The following TSEN15 variants were observed in gnomAD, a reference collection of about 807,000 sequenced individuals.
TSEN15 encodes the protein tRNA-splicing endonuclease subunit Sen15.
In TSEN15, 10 loss-of-function variants were observed where a neutral mutation model predicts 20.5. That is an observed-to-expected ratio of 0.49 (90% CI 0.30 to 0.83). TSEN15 has a LOEUF of 0.83. Among genes scored for constraint, TSEN15 ranks in the 40% least tolerant of loss-of-function variants. TSEN15 has a pLI of 0.06. For synonymous variants in TSEN15, 72 were observed against 80.1 expected (o/e 0.90, Z 0.54); for missense variants, 180 against 218.6 (o/e 0.82, Z 1.11).
Position 184,074,036 on chromosome 1 carries a change from G to A in TSEN15, c.*1189G>A, listed in dbSNP as rs1300700573. On this transcript the variant is annotated 3_prime_UTR_variant, in exon 5 of 5. Coordinates refer to ENST00000645668, the MANE Select transcript of TSEN15 (RefSeq NM_052965.4). ...TAAGTAAAAATTGCAAGACGGAAAA[G>A]TGTATAAGTGGGTGTAATCATGGCT... 3.9e-5 allele frequency: 6 copies of A among 152,092 alleles called. No homozygotes were observed. The highest frequency in any genetic ancestry group is 1.4e-4 in the African/African-American group (6 of 41,418). 9.4% of individuals were successfully genotyped at this position (152,092 alleles called of 1,614,324 possible).
At chr1:184,060,922 G>A (rs1323935154) in intron 3 of TSEN15, among the ~76,000 whole-genome samples, 1 of 152,172 alleles carries the variant, frequency 6.6e-6, no homozygotes. Flanking sequence ...TAGAACTCTT[G>A]TAATTATAAC....
chr1:184,075,016 G>C (rs894486828), downstream of TSEN15, among the ~76,000 whole-genome samples: 2 of 152,012 alleles, frequency 1.3e-5, no homozygotes, highest in African/African-American at 4.8e-5. Context: ...GATTCATTTT[G>C]AGGTCTTTCA....
At chr1:184,057,188 A>C (rs1349595422) in intron 3 of TSEN15, among the ~76,000 whole-genome samples, 2 of 152,154 alleles carry the variant, frequency 1.3e-5, no homozygotes, top group Non-Finnish European at 2.9e-5. Flanking sequence ...AGAAAGTCTG[A>C]AAATAGAAAA....
intron 3 of TSEN15, among the ~76,000 whole-genome samples, chr1:184,061,194 AACTTTACT>A (rs1650443474): frequency 6.6e-6 from 1 of 152,194 alleles, no homozygotes; most frequent in South Asian, 2.1e-4. Flanking sequence ...ATACCCTGCC[AACTTTACT>A]ACTCTATTGT....
chr1:184,063,316 T>A (rs995883320), intron 3 of TSEN15, among the ~76,000 whole-genome samples: 1 of 152,188 alleles, frequency 6.6e-6, no homozygotes, highest in Non-Finnish European at 1.5e-5. Flanking sequence ...AAATTGCTCC[T>A]TTGCAAGCTT....
chr1:184,066,540 G>C (rs574145481), intron 3 of TSEN15, among the ~76,000 whole-genome samples: 1 of 151,888 alleles, frequency 6.6e-6, no homozygotes, highest in East Asian at 1.9e-4. Context: ...TGAGTAGCTG[G>C]GACTACAGGC....
At chr1:184,055,311 C>T (rs535098495) in intron 3 of TSEN15, among the ~76,000 whole-genome samples, 1 of 152,260 alleles carries the variant, frequency 6.6e-6, no homozygotes, top group African/African-American at 2.4e-5. Flanking sequence ...GAAGACAGCA[C>T]TCAGCCATGA....
intron 3 of TSEN15, among the ~76,000 whole-genome samples, chr1:184,092,429 G>C (rs1651376891): frequency 6.6e-6 from 1 of 152,204 alleles, no homozygotes; most frequent in Non-Finnish European, 1.5e-5. Flanking sequence ...AGAAAAATGT[G>C]TACAAATAAC....
intron 3 of TSEN15, among the ~76,000 whole-genome samples, chr1:184,091,464 ATAGT>A (rs1273578274): frequency 2.0e-5 from 3 of 152,230 alleles, no homozygotes; most frequent in Non-Finnish European, 4.4e-5. Context: ...ATTATATAAT[ATAGT>A]TAGTGTATAC....
chr1:184,093,521 TACTC>T (rs754231534), intron 3 of TSEN15: 8 of 152,240 alleles, frequency 5.3e-5, no homozygotes, highest in African/African-American at 1.7e-4. Context: ...ATATGTAACT[TACTC>T]AGCACATTTT....
chr1:184,053,354 T>G (rs957082950), intron 1 of TSEN15, among the ~76,000 whole-genome samples: 2 of 152,210 alleles, frequency 1.3e-5, no homozygotes, highest in Non-Finnish European at 2.9e-5. Context: ...CACTTTTATT[T>G]TATTATTCTC....
chr1:184,071,935 A>G (rs1650897064), intron 3 of TSEN15: 2 of 434,764 alleles, frequency 4.6e-6, no homozygotes. Context: ...TTTCTATACC[A>G]TTCTCTTTCC....
intron 3 of TSEN15, among the ~76,000 whole-genome samples, chr1:184,069,611 G>A (rs1650811524): frequency 6.6e-6 from 1 of 152,022 alleles, no homozygotes; most frequent in Non-Finnish European, 1.5e-5. Flanking sequence ...ACAATCATAT[G>A]TGGTTTTTTA....
intron 1 of TSEN15, 111 bp downstream of exon 1, chr1:184,052,001 AC>A (rs1435328883): frequency 5.2e-6 from 6 of 1,152,612 alleles, no homozygotes; most frequent in Non-Finnish European, 6.7e-6. Context: ...GACGCGCGCC[AC>A]CCTCACCGAG....
intron 3 of TSEN15, among the ~76,000 whole-genome samples, chr1:184,091,491 A>G (rs1651357635): frequency 6.6e-6 from 1 of 152,120 alleles, no homozygotes; most frequent in Admixed American, 6.5e-5. Flanking sequence ...TTTGCACAAC[A>G]AAGATGCATA....
Position 184,072,215 on chromosome 1 carries a change from T to A in TSEN15, c.412T>A (p.Ser138Thr). Residue 138 changes from serine (S) to threonine (T), a missense_variant, in exon 4 of 5, where the codon TCT becomes ACT. Around this residue, in one of 3 missense-constraint regions of TSEN15, gnomAD observed 76 missense variants for 123.4 expected, o/e 0.62. Transcript: ENST00000645668. Reference protein sequence around the residue: ...KLQGDPDLPMSFTLAIVESDS... With the variant: ...KLQGDPDLPMTFTLAIVESDS... ...GCAAGGTGATCCAGATTTGCCGATG[T>A]CTTTTACTTTGGCCATAGTGGAGTC... 6.2e-7 allele frequency: 1 copy of A among 1,613,628 alleles called. No homozygotes were observed. Among genetic ancestry groups the A allele is most frequent in the South Asian group, 1.1e-5 (1 of 91,058 alleles).
In TSEN15 at chr1:184,072,899, C is replaced by T. The variant is rs868410417; in HGVS notation, c.*52C>T. 1 of 1,540,136 alleles carries T rather than the reference C, an allele frequency of 6.5e-7. No homozygotes were observed. Among genetic ancestry groups the T allele is most frequent in the East Asian group, 2.3e-5 (1 of 43,398 alleles). ...ATTCATACAAGATTGGATTTGAGAC[C>T]CATCAGACTGCTTCATCTTTTATCT... On this transcript the variant is annotated 3_prime_UTR_variant, in exon 5 of 5. Transcript: ENST00000645668.
At chr1:184,069,782 G>C (rs895540057) in intron 3 of TSEN15, among the ~76,000 whole-genome samples, 4 of 151,988 alleles carry the variant, frequency 2.6e-5, no homozygotes, top group African/African-American at 9.7e-5. Context: ...AAAGATGATG[G>C]CTTTGCTTTA....
chr1:184,059,212 A>G (rs897867027), intron 3 of TSEN15, among the ~76,000 whole-genome samples: 5 of 152,144 alleles, frequency 3.3e-5, no homozygotes, highest in African/African-American at 9.7e-5. Flanking sequence ...GTACAAAATT[A>G]TGTCAAAACC....
Sources: allele counts gnomAD v4.1 joint callset (sites outside exome capture counted in the v4.1 genomes callset), GRCh38; gene constraint gnomAD v4.1.1; regional missense constraint gnomAD v4.1.1; transcripts MANE v1.5; gene names NCBI Gene and HGNC (gene_info 2026-07-23, HGNC 2026-07-21).